Variants in CDYL observed in about 807,000 individuals in gnomAD.
CDYL encodes the protein chromodomain Y-like protein.
A neutral mutation model predicts 47.3 loss-of-function variants in CDYL; 8 were observed. The observed-to-expected ratio is 0.17, with a 90% CI of 0.10 to 0.31. CDYL has a LOEUF of 0.31. Among genes scored for constraint, CDYL ranks in the 10% least tolerant of loss-of-function variants. The pLI is 1.00. For missense variants in CDYL, 471 were observed against 701.4 expected (o/e 0.67, Z 3.71); for synonymous variants, 266 against 265.0 (o/e 1.00, Z -0.04).
At chr6:4,725,227 T>C (rs896270187) in intron 2 of CDYL, among the ~76,000 whole-genome samples, 4 of 152,234 alleles carry the variant, frequency 2.6e-5, no homozygotes, top group African/African-American at 9.6e-5. Flanking sequence ...ATAAAGGTTC[T>C]CCAAGTCCCC....
At chr6:4,838,922 T>G (rs1581202937) in intron 1 of CDYL, among the ~76,000 whole-genome samples, 1 of 152,234 alleles carries the variant, frequency 6.6e-6, no homozygotes, top group Non-Finnish European at 1.5e-5. Context: ...CCTGACCTCA[T>G]GATCCTCCCG....
At chr6:4,709,499 C>T (rs191490142) in intron 1 of CDYL, among the ~76,000 whole-genome samples, 31 of 152,106 alleles carry the variant, frequency 2.0e-4, no homozygotes, top group Non-Finnish European at 4.1e-4. Flanking sequence ...CCCAGCCGCC[C>T]CCAGTCATTT....
At position 4,952,355 on chromosome 6, in the gene CDYL, G is replaced by A. The variant is rs768066780; in HGVS notation, c.1422G>A (p.Thr474=). The A allele has an allele frequency of 1.2e-5, 19 of 1,614,176 alleles. No homozygotes were observed. The highest frequency in any genetic ancestry group is 8.9e-5 in the East Asian group (4 of 44,890). Reference sequence around the variant, plus strand: ...TCTCCCAGGTGTTTTGGCCCGGGACGTTCACTCAGGAAGTGATGGTTCGCA... The same window carrying A: ...TCTCCCAGGTGTTTTGGCCCGGGACATTCACTCAGGAAGTGATGGTTCGCA... The part of the protein sequence containing the change: ...GLVSQVFWPG[T]FTQEVMVRIK... Residue 474 remains threonine, a synonymous_variant, in exon 6 of 7, where the codon ACG becomes ACA. Coordinates refer to ENST00000397588, the MANE Select transcript of CDYL (RefSeq NM_004824.4).
At chr6:4,854,771 C>T (rs1760956823) in intron 1 of CDYL, among the ~76,000 whole-genome samples, 1 of 152,156 alleles carries the variant, frequency 6.6e-6, no homozygotes, top group Non-Finnish European at 1.5e-5. Flanking sequence ...GACGTCGAAA[C>T]AAAAACCAGC....
At position 4,884,770 on chromosome 6, in the gene CDYL, A is replaced by G. The variant is rs1030538069; in HGVS notation, c.25-6943A>G. Among the ~76,000 whole-genome samples the G allele has an allele frequency of 3.3e-5, 5 of 152,120 alleles. No homozygotes were observed. The East Asian group carries it at 7.7e-4, about 23-fold the overall frequency. On this transcript the variant is annotated intron_variant, in intron 1 of 6. Transcript: ENST00000397588. The stretch of plus-strand genomic sequence containing the variant: ...GGGATCCTTTCTTGTAATGTAACCT[A>G]TTGTTCCAGCAGTTTTTACCTGACT...
At chr6:4,769,887 C>G (rs1179432528) in intron 3 of CDYL, among the ~76,000 whole-genome samples, 1 of 152,164 alleles carries the variant, frequency 6.6e-6, no homozygotes, top group African/African-American at 2.4e-5. Flanking sequence ...AGCTCCGCCT[C>G]CAGGGTTCAC....
intron 1 of CDYL, among the ~76,000 whole-genome samples, chr6:4,825,638 T>G (rs1759961318): frequency 6.6e-6 from 1 of 152,190 alleles, no homozygotes; most frequent in Non-Finnish European, 1.5e-5. Flanking sequence ...TATATTACAT[T>G]GATTGATTTT....
At chr6:4,813,673 A>T (rs1245760157) in intron 1 of CDYL, among the ~76,000 whole-genome samples, 1 of 152,088 alleles carries the variant, frequency 6.6e-6, no homozygotes. Flanking sequence ...TCCGATTGTT[A>T]TTAGAATCTA....
Position 4,929,373 on chromosome 6 carries a change from A to G in CDYL, c.692-6142A>G, listed in dbSNP as rs768986029. Among the ~76,000 whole-genome samples the G allele has an allele frequency of 5.9e-5, 9 of 151,946 alleles. No homozygotes were observed. The South Asian group carries it at 8.3e-4, about 14-fold the overall frequency. On this transcript the variant is annotated intron_variant, in intron 2 of 6. Coordinates refer to ENST00000397588, the MANE Select transcript of CDYL (RefSeq NM_004824.4). ...TTATCAGCAGATGATAATAGGCCTTAGTTTGGGGTTTGTGTGTATTTATCA... is the reference window on the plus strand; with the variant it reads ...TTATCAGCAGATGATAATAGGCCTTGGTTTGGGGTTTGTGTGTATTTATCA...
At chr6:4,846,529 G>A (rs549347428) in intron 1 of CDYL, among the ~76,000 whole-genome samples, 15 of 152,148 alleles carry the variant, frequency 9.9e-5, no homozygotes, top group South Asian at 8.3e-4. Context: ...GCTTTCTTCC[G>A]TCAGAGTGCT....
chr6:4,724,135 G>A (rs758848499), intron 2 of CDYL, among the ~76,000 whole-genome samples: 4 of 152,128 alleles, frequency 2.6e-5, no homozygotes, highest in Admixed American at 6.5e-5. Context: ...TGACCTCCTG[G>A]GTTCAAATGA....
At chr6:4,743,302 T>A (rs1933226) in intron 3 of CDYL, among the ~76,000 whole-genome samples, 15 of 152,230 alleles carry the variant, frequency 9.9e-5, no homozygotes, top group African/African-American at 3.6e-4. Flanking sequence ...CACTGGAAGC[T>A]GTATTTTTCA....
At chr6:4,720,314 C>T (rs1326219740) in intron 2 of CDYL, among the ~76,000 whole-genome samples, 1 of 152,170 alleles carries the variant, frequency 6.6e-6, no homozygotes, top group Non-Finnish European at 1.5e-5. Context: ...GAATGAATGA[C>T]GACTGATCTT....
rs1407428607 is a variant in CDYL at position 4,937,730 on chromosome 6, G to A, written c.1114G>A (p.Ala372Thr). 1.2e-6 allele frequency: 2 copies of A among 1,602,732 alleles called. No individual in the cohort carries two copies. The highest frequency in any genetic ancestry group is 1.8e-5 in the Admixed American group (1 of 56,310). ...AAGAGAAAGCACTAAAATGGCAGAA[G>A]CTATCAGGTATGTAAAAATGATGTT... ...RKRESTKMAE[A>T]IRNFVNTFIQ... Residue 372 changes from alanine (A) to threonine (T), a missense_variant, in exon 4 of 7, where the codon GCT becomes ACT. Physicochemically the swap from Ala to Thr is moderately conservative, Grantham distance 58. Coordinates refer to ENST00000397588, the MANE Select transcript of CDYL (RefSeq NM_004824.4).
In CDYL at chr6:4,939,723, C is replaced by T. The variant is rs539998810; in HGVS notation, c.1121+1986C>T. Among the ~76,000 whole-genome samples the T allele has an allele frequency of 2.7e-4, 41 of 152,302 alleles. No homozygotes were observed. The Middle Eastern group carries it at 0.014, about 51-fold the overall frequency. On this transcript the variant is annotated intron_variant, in intron 4 of 6. Transcript: ENST00000397588. Reference sequence around the variant, plus strand: ...TCATAAATCCTTGGCTGACTCTCAGCGCCTCTAAGACAGCTTCATTATTAT... The same window carrying T: ...TCATAAATCCTTGGCTGACTCTCAGTGCCTCTAAGACAGCTTCATTATTAT...
intron 1 of CDYL, among the ~76,000 whole-genome samples, chr6:4,864,959 C>T (rs1430342309): frequency 1.3e-5 from 2 of 152,172 alleles, no homozygotes; most frequent in Non-Finnish European, 2.9e-5. Context: ...GAGTGAACTC[C>T]AAGTTTCTCT....
At chr6:4,802,143 G>T (rs757876022) in intron 1 of CDYL, among the ~76,000 whole-genome samples, 2 of 152,110 alleles carry the variant, frequency 1.3e-5, no homozygotes, top group Non-Finnish European at 2.9e-5. Flanking sequence ...CTTGAGCCAA[G>T]ATGCCACAAA....
chr6:4,867,808 A>G (rs1260155418), intron 1 of CDYL, among the ~76,000 whole-genome samples: 3 of 138,662 alleles, frequency 2.2e-5, no homozygotes, highest in African/African-American at 5.4e-5. Flanking sequence ...GATTTTGCTG[A>G]TTTCCTTTTC....
At chr6:4,708,401 C>T (rs1397356000) in intron 1 of CDYL, among the ~76,000 whole-genome samples, 1 of 152,176 alleles carries the variant, frequency 6.6e-6, no homozygotes, top group Non-Finnish European at 1.5e-5. Flanking sequence ...CTCAAGTGAT[C>T]TGCCCACCTT....
Sources: gnomAD v4.1 joint callset for allele counts (sites outside exome capture counted in the v4.1 genomes callset) on GRCh38, gnomAD v4.1.1 for gene constraint, MANE v1.5 for transcripts, NCBI Gene and HGNC (gene_info 2026-07-23, HGNC 2026-07-21) for gene names.